OTOGL: variants seen among roughly 807,000 people sequenced by gnomAD.
OTOGL encodes otogelin-like protein.
OTOGL carries 285 observed loss-of-function variants against 318.5 expected under a neutral mutation model. The observed-to-expected ratio is 0.89, with a 90% CI of 0.81 to 0.99. The LOEUF (loss-of-function observed/expected upper bound fraction) is 0.99. OTOGL is among the 50% of genes least tolerant of loss of function. The probability of loss-of-function intolerance (pLI) is 0.00; values close to 1 mark genes in which losing one functional copy is unlikely to be tolerated. For missense variants in OTOGL, 2,899 were observed against 2,845.6 expected (o/e 1.02, Z -0.43); for synonymous variants, 987 against 936.5 (o/e 1.05, Z -0.99).
chr12:80,114,248 T>C (rs999051035), intron 1 of OTOGL, among the ~76,000 whole-genome samples: 1 of 152,204 alleles, frequency 6.6e-6, no homozygotes, highest in Non-Finnish European at 1.5e-5. Flanking sequence ...CAGTGGCTGG[T>C]ACCAGTTTTT....
At chr12:80,252,552 A>G (rs1592610977) in intron 13 of OTOGL, among the ~76,000 whole-genome samples, 2 of 152,196 alleles carry the variant, frequency 1.3e-5, no homozygotes, top group Admixed American at 1.3e-4. Flanking sequence ...TTCTGGCACA[A>G]TCTAGTACTG....
intron 26 of OTOGL, among the ~76,000 whole-genome samples, chr12:80,283,581 C>T (rs374302479): frequency 3.3e-5 from 5 of 151,556 alleles, no homozygotes; most frequent in Admixed American, 6.7e-5. Flanking sequence ...CTGGGTTCCT[C>T]ATGGGAGCTA....
intron 1 of OTOGL, among the ~76,000 whole-genome samples, chr12:80,125,754 G>C (rs1264252424): frequency 6.6e-6 from 1 of 151,968 alleles, no homozygotes; most frequent in Non-Finnish European, 1.5e-5. Flanking sequence ...ACTTCTTCCT[G>C]GTTTAGTCTT....
chr12:80,312,950 C>CT (rs1886729945), intron 30 of OTOGL, among the ~76,000 whole-genome samples: 1 of 151,976 alleles, frequency 6.6e-6, no homozygotes, highest in Non-Finnish European at 1.5e-5. Flanking sequence ...TCCCTTGCTC[C>CT]TTTTTTAATG....
chr12:80,248,968 G>A lies in OTOGL; in HGVS notation c.1053-2725G>A, dbSNP rs1250712031. Among the ~76,000 whole-genome samples, 5 of 147,144 alleles carry A rather than the reference G, an allele frequency of 3.4e-5. No individual in the cohort carries two copies. The South Asian group carries it at 1.1e-3, about 31-fold the overall frequency. On this transcript the variant is annotated intron_variant, in intron 11 of 58. Transcript: ENST00000547103. Reference sequence around the variant, plus strand: ...CCATTTGATCGCATCGGCTCCTGAGGCTTCTGCATTCTTCACGTAGTTCTC... The same window carrying A: ...CCATTTGATCGCATCGGCTCCTGAGACTTCTGCATTCTTCACGTAGTTCTC...
In OTOGL at chr12:80,209,832, C is replaced by G. The variant is rs1008366925; in HGVS notation, c.79+322C>G. ...AAAATCATGCTTTTATCATGATATG[C>G]AATTGTATTAGAAGAAGCTGTGATT... On this transcript the variant is annotated intron_variant, in intron 2 of 58. Transcript: ENST00000547103. 4.0e-5 allele frequency among the ~76,000 whole-genome samples: 6 copies of G among 151,854 alleles called. No individual in the cohort carries two copies. In the South Asian group the frequency reaches 6.2e-4, roughly 16 times the overall value.
intron 5 of OTOGL, among the ~76,000 whole-genome samples, chr12:80,219,590 G>A (rs1161654458): frequency 6.6e-6 from 1 of 152,178 alleles, no homozygotes; most frequent in African/African-American, 2.4e-5. Flanking sequence ...TCTCAGGGTA[G>A]TCTGAGATGT....
At chr12:80,168,105 A>G (rs1873946813) in intron 1 of OTOGL, among the ~76,000 whole-genome samples, 1 of 151,640 alleles carries the variant, frequency 6.6e-6, no homozygotes, top group Non-Finnish European at 1.5e-5. Context: ...CTCCAGGCGC[A>G]CGCCACCACA....
chr12:80,154,328 G>A (rs545775477), intron 1 of OTOGL, among the ~76,000 whole-genome samples: 6 of 152,132 alleles, frequency 3.9e-5, no homozygotes, highest in African/African-American at 1.2e-4. Flanking sequence ...GAAAAAGAAA[G>A]CTTGGACTAT....
chr12:80,258,192 A>G (rs1178334909), intron 18 of OTOGL, among the ~76,000 whole-genome samples, 190 bp downstream of exon 18: 1 of 152,174 alleles, frequency 6.6e-6, no homozygotes, highest in Non-Finnish European at 1.5e-5. Flanking sequence ...AAGGAAACTA[A>G]TCAAGTCCTC....
At chr12:80,277,286 T>C in intron 24 of OTOGL, among the ~76,000 whole-genome samples, 1 of 146,950 alleles carries the variant, frequency 6.8e-6, no homozygotes, top group African/African-American at 2.5e-5. Context: ...TTAACACTTC[T>C]AGAAAAAAAT....
intron 1 of OTOGL, among the ~76,000 whole-genome samples, chr12:80,116,047 A>AG (rs1870139439): frequency 1.3e-5 from 2 of 152,038 alleles, no homozygotes; most frequent in Non-Finnish European, 2.9e-5. Flanking sequence ...CCCCCTTTCC[A>AG]GGGGAGTGAA....
chr12:80,251,996 G>T, intron 12 of OTOGL, 80 bp from the exon 13 acceptor site: 3 of 1,374,746 alleles, frequency 2.2e-6, no homozygotes, highest in Non-Finnish European at 1.9e-6. Context: ...ATTATTTTTT[G>T]TAAAAAATAA....
At chr12:80,162,472 C>T (rs1354775327) in intron 1 of OTOGL, among the ~76,000 whole-genome samples, 2 of 152,066 alleles carry the variant, frequency 1.3e-5, no homozygotes, top group Non-Finnish European at 2.9e-5. Flanking sequence ...GAAAATACCA[C>T]AAACTGAGTG....
chr12:80,318,471 C>A, intron 32 of OTOGL, 75 bp from the exon 33 acceptor site: 1 of 1,043,682 alleles, frequency 9.6e-7, no homozygotes, highest in Non-Finnish European at 1.2e-6. Context: ...GTTATTAAAA[C>A]ATTTCTTTGA....
chr12:80,229,195 G>T, intron 7 of OTOGL, 62 bp from the exon 8 acceptor site: 1 of 1,527,084 alleles, frequency 6.5e-7, no homozygotes, highest in Non-Finnish European at 8.9e-7. Context: ...ATACATTGTG[G>T]TTTTAATAAC....
At chr12:80,339,357 C>G (rs1047198455) in intron 43 of OTOGL, 93 bp downstream of exon 43, 33 of 1,058,124 alleles carry the variant, frequency 3.1e-5, no homozygotes, top group Non-Finnish European at 4.0e-5. Flanking sequence ...ACCCTGTTGC[C>G]CCATTTTTCA....
intron 18 of OTOGL, among the ~76,000 whole-genome samples, chr12:80,260,769 A>C (rs1882463554): frequency 6.6e-6 from 1 of 152,132 alleles, no homozygotes; most frequent in Non-Finnish European, 1.5e-5. Flanking sequence ...AAACTAAATG[A>C]AATAAGAGAG....
At position 80,323,746 on chromosome 12, in the gene OTOGL, A is replaced by C. The variant is rs1887499636; in HGVS notation, c.4105A>C (p.Arg1369=). The part of the protein sequence containing the change: ...IEEIQAAVPY[R]KMCEWRYEPC... ...AGAAATCCAGGCAGCAGTGCCTTAC[A>C]GGAAGATGTGTGAATGGAGATATGA... is the stretch of plus-strand genomic sequence containing the variant. The change falls in exon 35 of 59, where the codon AGG becomes CGG. Residue 1369 remains arginine, a synonymous_variant. Coordinates refer to ENST00000547103, the MANE Select transcript of OTOGL (RefSeq NM_001378609.3). 6 of 1,613,752 alleles carry C rather than the reference A, an allele frequency of 3.7e-6. No individual in the cohort carries two copies. The South Asian group carries it at 4.4e-5, about 12-fold the overall frequency.
Sources: allele counts gnomAD v4.1 joint callset (sites outside exome capture counted in the v4.1 genomes callset), GRCh38; gene constraint gnomAD v4.1.1; transcripts MANE v1.5; gene names NCBI Gene and HGNC (gene_info 2026-07-23, HGNC 2026-07-21).